The following KCNIP4 variants were observed in gnomAD, a reference collection of about 807,000 sequenced individuals.
KCNIP4 encodes Kv channel-interacting protein 4.
In KCNIP4, 12 loss-of-function variants were observed where a neutral mutation model predicts 34.0. The ratio of observed to expected loss-of-function variants is 0.35; its 90% CI spans 0.23 to 0.57. KCNIP4 has a LOEUF of 0.57. KCNIP4 is among the 20% of genes least tolerant of loss of function. The probability of loss-of-function intolerance (pLI) is 0.83; values close to 1 mark genes in which losing one functional copy is unlikely to be tolerated. For synonymous variants in KCNIP4, 124 were observed against 102.2 expected (o/e 1.21, Z -1.29); for missense variants, 238 against 311.7 (o/e 0.76, Z 1.78).
chr4:21,376,285 A>C (rs1038939388), intron 1 of KCNIP4, among the ~76,000 whole-genome samples: 2 of 152,222 alleles, frequency 1.3e-5, no homozygotes, highest in African/African-American at 2.4e-5. Flanking sequence ...TCCTTAAAGT[A>C]GAAATGGTTT....
intron 1 of KCNIP4, among the ~76,000 whole-genome samples, chr4:21,879,821 C>T (rs750635411): frequency 2.0e-5 from 3 of 152,076 alleles, no homozygotes; most frequent in African/African-American, 4.8e-5. Flanking sequence ...GGAAGGGACC[C>T]GGTGGGAGGT....
intron 1 of KCNIP4, among the ~76,000 whole-genome samples, chr4:21,378,804 T>C (rs543463404): frequency 6.6e-6 from 1 of 152,248 alleles, no homozygotes; most frequent in African/African-American, 2.4e-5. Context: ...TCTATTTTTG[T>C]TTAAATTAAA....
intron 1 of KCNIP4, among the ~76,000 whole-genome samples, chr4:20,927,773 A>G (rs1356430690): frequency 6.6e-6 from 1 of 152,178 alleles, no homozygotes; most frequent in Non-Finnish European, 1.5e-5. Context: ...ATGTCCTTAT[A>G]CCATTTATGT....
At chr4:21,383,510 A>G (rs1215050737) in intron 1 of KCNIP4, among the ~76,000 whole-genome samples, 2 of 151,898 alleles carry the variant, frequency 1.3e-5, no homozygotes. Context: ...AAAAAAAAAA[A>G]AAAAAAGAGG....
chr4:21,541,811 T>G (rs1375293472), intron 1 of KCNIP4, among the ~76,000 whole-genome samples: 6 of 151,924 alleles, frequency 3.9e-5, no homozygotes, highest in African/African-American at 1.5e-4. Context: ...TCAGCTACTT[T>G]TAAAATTTTT....
At chr4:20,742,817 T>C (rs567206355) in intron 5 of KCNIP4, among the ~76,000 whole-genome samples, 3 of 152,194 alleles carry the variant, frequency 2.0e-5, no homozygotes, top group East Asian at 3.9e-4. Flanking sequence ...TAGAAAACCC[T>C]GTCGTCTCAG....
At chr4:21,192,605 T>G (rs1337325512) in intron 1 of KCNIP4, among the ~76,000 whole-genome samples, 1 of 152,168 alleles carries the variant, frequency 6.6e-6, no homozygotes, top group Non-Finnish European at 1.5e-5. Flanking sequence ...GGCTTTATCC[T>G]CATATCTTTG....
At chr4:21,892,543 A>G (rs1445550072) in intron 1 of KCNIP4, among the ~76,000 whole-genome samples, 9 of 76,048 alleles carry the variant, frequency 1.2e-4, no homozygotes, top group Admixed American at 5.5e-4. Context: ...AAGCAAAAGC[A>G]AAAAAGTAAA....
intron 3 of KCNIP4, among the ~76,000 whole-genome samples, chr4:20,833,179 A>T (rs1342797064): frequency 1.3e-5 from 2 of 152,268 alleles, no homozygotes; most frequent in African/African-American, 2.4e-5. Context: ...TTTTATGATA[A>T]CGTGCGGTGC....
chr4:20,864,342 A>G (rs567055685), intron 2 of KCNIP4, among the ~76,000 whole-genome samples: 2 of 151,342 alleles, frequency 1.3e-5, no homozygotes, highest in South Asian at 4.2e-4. Context: ...GTATGTAAAC[A>G]TGTATGTATA....
At chr4:21,098,666 A>G (rs1457750516) in intron 1 of KCNIP4, among the ~76,000 whole-genome samples, 1 of 152,202 alleles carries the variant, frequency 6.6e-6, no homozygotes, top group Non-Finnish European at 1.5e-5. Flanking sequence ...ATTACTGCTT[A>G]TGGACAATAC....
intron 1 of KCNIP4, among the ~76,000 whole-genome samples, chr4:21,546,010 T>A (rs1368659171): frequency 1.3e-5 from 2 of 152,108 alleles, no homozygotes; most frequent in Non-Finnish European, 2.9e-5. Flanking sequence ...ACACTTGCTT[T>A]CACTTTACTC....
chr4:21,352,633 C>T (rs557329410), intron 1 of KCNIP4, among the ~76,000 whole-genome samples: 1 of 152,292 alleles, frequency 6.6e-6, no homozygotes, highest in African/African-American at 2.4e-5. Flanking sequence ...GAAGCCTGAA[C>T]TGGGCGGAGC....
chr4:21,270,986 C>CAAAA (rs370059673), intron 1 of KCNIP4, among the ~76,000 whole-genome samples: 22 of 111,338 alleles, frequency 2.0e-4, no homozygotes, highest in South Asian at 2.8e-4. Context: ...TCCCTGTCCC[C>CAAAA]AAAAAAAAAA....
intron 1 of KCNIP4, among the ~76,000 whole-genome samples, chr4:21,082,868 T>TATCA (rs1310789662): frequency 8.6e-6 from 1 of 116,936 alleles, no homozygotes; most frequent in Non-Finnish European, 1.9e-5. Flanking sequence ...CAGGTTATTC[T>TATCA]ATCTATCTAT....
chr4:21,114,259 C>T (rs943298411), intron 1 of KCNIP4, among the ~76,000 whole-genome samples: 7 of 152,084 alleles, frequency 4.6e-5, no homozygotes, highest in African/African-American at 1.7e-4. Context: ...AACAAACAAA[C>T]AAACATAGCT....
At chr4:21,209,140 A>T (rs1485634989) in intron 1 of KCNIP4, among the ~76,000 whole-genome samples, 2 of 152,198 alleles carry the variant, frequency 1.3e-5, no homozygotes, top group Non-Finnish European at 2.9e-5. Context: ...TTTAACTAAC[A>T]CATAATAATT....
intron 1 of KCNIP4, among the ~76,000 whole-genome samples, chr4:21,698,733 T>C (rs887649014): frequency 6.6e-6 from 1 of 152,218 alleles, no homozygotes. Context: ...TTTAAATACC[T>C]AGACAGGCCT....
intron 1 of KCNIP4, among the ~76,000 whole-genome samples, chr4:21,519,802 T>TGTGTATGTGTGTGTATACACAC (rs1735355857): frequency 7.2e-6 from 1 of 137,934 alleles, no homozygotes; most frequent in Non-Finnish European, 1.6e-5. Flanking sequence ...TGTATACACG[T>TGTGTATGTGTGTGTATACACAC]GTGTGTATGT....
Sources: allele counts gnomAD v4.1 joint callset (sites outside exome capture counted in the v4.1 genomes callset), GRCh38; gene constraint gnomAD v4.1.1; transcripts MANE v1.5; gene names NCBI Gene and HGNC (gene_info 2026-07-23, HGNC 2026-07-21).